The following UST variants were observed in gnomAD, a reference collection of about 807,000 sequenced individuals.
UST encodes uronyl 2-sulfotransferase, also known as chondroitin sulfate 2-O-sulfotransferase.
In UST, 21 loss-of-function variants were observed where a neutral mutation model predicts 45.6. The observed-to-expected ratio is 0.46, with a 90% CI of 0.33 to 0.66. The LOEUF (loss-of-function observed/expected upper bound fraction) is 0.66. UST is among the 30% of genes least tolerant of loss of function. The pLI is 0.02. For missense variants in UST, 463 were observed against 512.4 expected, an observed-to-expected ratio of 0.90 and a Z score of 0.93; for synonymous variants, 215 against 200.6, an observed-to-expected ratio of 1.07 and a Z score of -0.61.
chr6:148,962,090 C>A (rs1461658075), intron 4 of UST, among the ~76,000 whole-genome samples: 2 of 152,212 alleles, frequency 1.3e-5, no homozygotes, highest in Non-Finnish European at 2.9e-5. Context: ...ATATACAAGA[C>A]ACCTGTTTGT....
At chr6:148,836,650 T>C (rs1031672972) in intron 1 of UST, among the ~76,000 whole-genome samples, 2 of 152,212 alleles carry the variant, frequency 1.3e-5, no homozygotes, top group African/African-American at 4.8e-5. Context: ...CATTTTCTAA[T>C]TGTTCCTAGG....
chr6:149,067,024 G>A (rs1398299764), intron 7 of UST, among the ~76,000 whole-genome samples: 1 of 152,180 alleles, frequency 6.6e-6, no homozygotes, highest in African/African-American at 2.4e-5. Flanking sequence ...TTCTTCATAG[G>A]GAAAGGGGAA....
intron 1 of UST, among the ~76,000 whole-genome samples, chr6:148,823,618 A>G (rs1284483726): frequency 1.3e-5 from 2 of 152,228 alleles, no homozygotes; most frequent in Non-Finnish European, 2.9e-5. Context: ...GAAATGTGAT[A>G]TTAGTATTGG....
At chr6:148,896,708 A>G (rs1019375527) in intron 2 of UST, among the ~76,000 whole-genome samples, 6 of 152,190 alleles carry the variant, frequency 3.9e-5, no homozygotes, top group East Asian at 3.8e-4. Context: ...AGTATGTCCA[A>G]TGCACTCACC....
chr6:148,995,823 C>G (rs987879357), intron 5 of UST, among the ~76,000 whole-genome samples: 1 of 152,234 alleles, frequency 6.6e-6, no homozygotes, highest in Non-Finnish European at 1.5e-5. Context: ...GCATCTGCCC[C>G]CTGGAGACAG....
chr6:148,776,902 C>T (rs1325178692), intron 1 of UST, among the ~76,000 whole-genome samples: 1 of 152,188 alleles, frequency 6.6e-6, no homozygotes, highest in East Asian at 1.9e-4. Context: ...CTGCTGGGTG[C>T]ACTCTTGGGT....
chr6:148,992,224 G>T (rs1196347452), intron 5 of UST, among the ~76,000 whole-genome samples: 2 of 152,190 alleles, frequency 1.3e-5, no homozygotes, highest in Admixed American at 1.3e-4. Flanking sequence ...GAGTCCCGAG[G>T]CCGATCGCGG....
At chr6:148,865,677 T>C (rs1778413741) in intron 1 of UST, among the ~76,000 whole-genome samples, 1 of 139,770 alleles carries the variant, frequency 7.2e-6, no homozygotes, top group Non-Finnish European at 1.6e-5. Context: ...TGTGTGTGTG[T>C]GTGTGTGTGT....
intron 1 of UST, among the ~76,000 whole-genome samples, chr6:148,817,002 A>G (rs1327623600): frequency 6.6e-6 from 1 of 152,186 alleles, no homozygotes; most frequent in Non-Finnish European, 1.5e-5. Context: ...GTAAACATCC[A>G]GATTCCCGGG....
chr6:148,864,202 G>A (rs1030668729), intron 1 of UST, among the ~76,000 whole-genome samples: 3 of 152,232 alleles, frequency 2.0e-5, no homozygotes, highest in Non-Finnish European at 4.4e-5. Flanking sequence ...CCTCAGCAAT[G>A]GCAGGCGCCC....
intron 2 of UST, among the ~76,000 whole-genome samples, chr6:148,908,047 T>C (rs890690708): frequency 6.6e-6 from 1 of 151,880 alleles, no homozygotes. Context: ...TAGCTGGGAT[T>C]ACAGGTGCCT....
intron 1 of UST, among the ~76,000 whole-genome samples, chr6:148,796,622 TCAAAAAAAAAAA>T (rs1460577287): frequency 9.5e-4 from 42 of 44,424 alleles, no homozygotes; most frequent in Admixed American, 3.3e-3. Context: ...AGACTCTGTC[TCAAAAAAAAAAA>T]AAAAAAAAAA....
intron 2 of UST, among the ~76,000 whole-genome samples, chr6:148,892,277 G>A (rs182289012): frequency 1.3e-3 from 205 of 152,226 alleles, no homozygotes; most frequent in African/African-American, 4.7e-3. Flanking sequence ...TCTGTTGTTT[G>A]TGAAATCTCA....
intron 1 of UST, among the ~76,000 whole-genome samples, chr6:148,791,813 C>G (rs1485005243): frequency 1.3e-5 from 2 of 152,194 alleles, no homozygotes; most frequent in African/African-American, 4.8e-5. Context: ...TCTTGCCAGT[C>G]TTATGCATTA....
At position 148,818,382 on chromosome 6, in the gene UST, A is replaced by G. The variant is rs554621472; in HGVS notation, c.248-68604A>G. Among the ~76,000 whole-genome samples the G allele has an allele frequency of 9.8e-5, 15 of 152,350 alleles. No homozygotes were observed. The East Asian group carries it at 2.7e-3, about 27-fold the overall frequency. On this transcript the variant is annotated intron_variant, in intron 1 of 7. Coordinates refer to ENST00000367463, the MANE Select transcript of UST (RefSeq NM_005715.3). ...ATATCACTTTTCATTGGAAGTAGACAGGTGCAATTAAGTAACCTAGAGAAG... is the reference window on the plus strand; with the variant it reads ...ATATCACTTTTCATTGGAAGTAGACGGGTGCAATTAAGTAACCTAGAGAAG...
intron 2 of UST, among the ~76,000 whole-genome samples, chr6:148,896,375 T>G (rs1281683018): frequency 6.6e-6 from 1 of 152,016 alleles, no homozygotes; most frequent in East Asian, 1.9e-4. Context: ...GGCACAAAAT[T>G]GTGTTGTGTG....
In UST at chr6:148,899,345, C is replaced by T. The variant is rs183391551; in HGVS notation, c.291+12316C>T. Among the ~76,000 whole-genome samples the T allele has an allele frequency of 2.8e-3, 423 of 152,194 alleles. 1 individual carries two copies. The highest frequency in any genetic ancestry group is 9.5e-3 in the African/African-American group (395 of 41,532). On this transcript the variant is annotated intron_variant, in intron 2 of 7. Coordinates refer to ENST00000367463, the MANE Select transcript of UST (RefSeq NM_005715.3). ...CGATCTCCTGACCTCATGATCTGCCCGCCTCGGCCTCCCAAAGTGCTGGGA... is the reference window on the plus strand; with the variant it reads ...CGATCTCCTGACCTCATGATCTGCCTGCCTCGGCCTCCCAAAGTGCTGGGA...
chr6:149,022,214 T>G (rs1014754341), intron 7 of UST, among the ~76,000 whole-genome samples: 3 of 152,244 alleles, frequency 2.0e-5, no homozygotes, highest in African/African-American at 7.2e-5. Flanking sequence ...TCTACTGCTG[T>G]GACAACAAGC....
intron 1 of UST, among the ~76,000 whole-genome samples, chr6:148,781,397 T>C (rs1287777194): frequency 6.6e-6 from 1 of 152,018 alleles, no homozygotes; most frequent in African/African-American, 2.4e-5. Flanking sequence ...AGGTCCTAAC[T>C]CTCTTCAGTT....
Sources: gnomAD v4.1 joint callset for allele counts (sites outside exome capture counted in the v4.1 genomes callset) on GRCh38, gnomAD v4.1.1 for gene constraint, MANE v1.5 for transcripts, NCBI Gene and HGNC (gene_info 2026-07-23, HGNC 2026-07-21) for gene names.